The following VPS35L variants were observed in gnomAD, a reference collection of about 807,000 sequenced individuals.
VPS35L encodes VPS35 endosomal protein sorting factor like.
A neutral mutation model predicts 133.0 loss-of-function variants in VPS35L; 83 were observed. That is an observed-to-expected ratio of 0.62 (90% CI 0.52 to 0.75). The LOEUF (loss-of-function observed/expected upper bound fraction) is 0.75, where lower values mean the gene tolerates loss of function less well. Among genes scored for constraint, VPS35L ranks in the 30% least tolerant of loss-of-function variants. The pLI is 0.00. For synonymous variants in VPS35L, 423 were observed against 449.9 expected (o/e 0.94, Z 0.76); for missense variants, 1,083 against 1,206.8 (o/e 0.90, Z 1.52).
At chr16:19,571,489 A>G (rs917399036) in intron 3 of VPS35L, among the ~76,000 whole-genome samples, 1 of 152,022 alleles carries the variant, frequency 6.6e-6, no homozygotes, top group Non-Finnish European at 1.5e-5. Flanking sequence ...AGTTGCTGGG[A>G]TTACAGGCCT....
At chr16:19,595,060 G>T in intron 8 of VPS35L, among the ~76,000 whole-genome samples, 1 of 152,170 alleles carries the variant, frequency 6.6e-6, no homozygotes, top group Non-Finnish European at 1.5e-5. Context: ...AGAGAGAGGC[G>T]ATGAGATGAG....
At chr16:19,615,544 G>T (rs1972858305) in intron 12 of VPS35L, among the ~76,000 whole-genome samples, 1 of 152,130 alleles carries the variant, frequency 6.6e-6, no homozygotes, top group South Asian at 2.1e-4. Flanking sequence ...CTGCTACTTG[G>T]GAGGCTGAGG....
At chr16:19,641,938 G>T (rs1211344971) in intron 21 of VPS35L, among the ~76,000 whole-genome samples, 1 of 152,208 alleles carries the variant, frequency 6.6e-6, no homozygotes, top group Non-Finnish European at 1.5e-5. Flanking sequence ...GGCCAGGTGC[G>T]GTGGCTCACG....
Position 19,633,313 on chromosome 16 carries a change from C to T in VPS35L, c.1635+141C>T. 1 of 784,490 alleles carries T rather than the reference C, an allele frequency of 1.3e-6. No homozygotes were observed. The highest frequency in any genetic ancestry group is 2.1e-6 in the Non-Finnish European group (1 of 469,688). 48.6% of individuals were successfully genotyped at this position (784,490 alleles called of 1,614,324 possible). On this transcript the variant is annotated intron_variant, in intron 19 of 30. Transcript: ENST00000417362. The surrounding 1 kb of genome is among the most constrained non-coding windows in gnomAD (Gnocchi z 4.1). ...GCTCTGCCATATCCTAGCCATGTGC[C>T]CTTTGATCAGTTACTTAACCTTGTT...
At position 19,700,434 on chromosome 16, in the gene VPS35L, G is replaced by A. The variant is rs750030502; in HGVS notation, c.2850G>A (p.Leu950=). 1 of 1,614,190 alleles carries A rather than the reference G, an allele frequency of 6.2e-7. No homozygotes were observed. Among genetic ancestry groups the A allele is most frequent in the Non-Finnish European group, 8.5e-7 (1 of 1,180,040 alleles). The change falls in exon 31 of 31, where the codon CTG becomes CTA. Residue 950 remains leucine, a synonymous_variant. Transcript: ENST00000417362. ...KQSKQPDMTH[L]TELALRLPLQ... is the part of the protein sequence containing the mutation. ...GCAAACAACCAGACATGACTCATCT[G>A]ACGGAGCTGGCCCTCAGACTCCCTC...
At chr16:19,609,693 A>G (rs1048381281) in intron 11 of VPS35L, among the ~76,000 whole-genome samples, 27 of 152,210 alleles carry the variant, frequency 1.8e-4, no homozygotes, top group Admixed American at 6.5e-5. Context: ...TGCTCCACAG[A>G]TAGCTCTACC....
rs1287746522 is a variant in VPS35L at position 19,691,501 on chromosome 16, C to T, written c.2646+30C>T. The T allele has an allele frequency of 1.9e-6, 3 of 1,555,208 alleles. No individual in the cohort carries two copies. The Admixed American group carries it at 5.0e-5, about 26-fold the overall frequency. ...GTGCCCTCTGCTGTCCTCCACCCGC[C>T]CCTTGCTCTGAAAGCACAAGTTTCC... On this transcript the variant is annotated intron_variant, in intron 29 of 30. Transcript: ENST00000417362.
At position 19,700,466 on chromosome 16, in the gene VPS35L, C is replaced by T; in HGVS notation, c.2882C>T (p.Thr961Ile). Residue 961 changes from threonine to isoleucine, a missense_variant, in exon 31 of 31, where the codon ACA (threonine) becomes ATA (isoleucine). Thr to Ile is a moderately conservative substitution (Grantham distance 89). Transcript: ENST00000417362. ...CTGGCCCTCAGACTCCCTCTGCAAA[C>T]AAGGACCTGACCCCCGGGCCCATCC... is the stretch of plus-strand genomic sequence containing the variant. ...TELALRLPLQ[T>I]RT The T allele has an allele frequency of 6.2e-7, 1 of 1,614,066 alleles. No homozygotes were observed. The highest frequency in any genetic ancestry group is 8.5e-7 in the Non-Finnish European group (1 of 1,179,884).
intron 12 of VPS35L, among the ~76,000 whole-genome samples, chr16:19,613,779 G>T (rs7197320): frequency 0.051 from 7,757 of 152,182 alleles, 631 homozygotes; most frequent in African/African-American, 0.17. Flanking sequence ...GGAGCTCAGG[G>T]TGAGGTGGAT....
chr16:19,694,479 ATTTCT>A (rs1278326700), intron 29 of VPS35L: 3 of 150,524 alleles, frequency 2.0e-5, no homozygotes, highest in Non-Finnish European at 3.0e-5. Flanking sequence ...TTTTCCCCTG[ATTTCT>A]TTTCTTTTTT....
intron 8 of VPS35L, among the ~76,000 whole-genome samples, chr16:19,593,584 G>A (rs57139358): frequency 0.044 from 6,767 of 152,210 alleles, 513 homozygotes; most frequent in African/African-American, 0.15. Context: ...GGCTTCAGGT[G>A]CAGCTGGATC....
At chr16:19,596,194 G>C (rs1395285288) in intron 8 of VPS35L, among the ~76,000 whole-genome samples, 1 of 152,284 alleles carries the variant, frequency 6.6e-6, no homozygotes, top group East Asian at 1.9e-4. Context: ...ATAGTGAATT[G>C]CAGAGCTGAG....
intron 14 of VPS35L, among the ~76,000 whole-genome samples, chr16:19,622,596 G>C (rs906900772): frequency 6.6e-6 from 1 of 152,074 alleles, no homozygotes; most frequent in African/African-American, 2.4e-5. Flanking sequence ...GTGGATCCAC[G>C]CAGCTCAAAA....
chr16:19,619,335 C>T (rs573120423), intron 14 of VPS35L, among the ~76,000 whole-genome samples: 1 of 152,088 alleles, frequency 6.6e-6, no homozygotes, highest in Admixed American at 6.6e-5. Flanking sequence ...TCTTGTACTT[C>T]AGGTGAATAG....
chr16:19,608,494 C>G, intron 10 of VPS35L: 1 of 511,394 alleles, frequency 2.0e-6, no homozygotes, highest in Non-Finnish European at 3.4e-6. Context: ...AATACGATGC[C>G]ATGTGTCAAG....
chr16:19,698,213 T>C (rs937921956), intron 29 of VPS35L, among the ~76,000 whole-genome samples: 1 of 152,230 alleles, frequency 6.6e-6, no homozygotes, highest in African/African-American at 2.4e-5. Flanking sequence ...CGTGTGATCA[T>C]GGACTGAGAT....
At chr16:19,638,894 CAGGAG>C (rs1973701532) in intron 20 of VPS35L, among the ~76,000 whole-genome samples, 1 of 152,142 alleles carries the variant, frequency 6.6e-6, no homozygotes, top group South Asian at 2.1e-4. Context: ...CACCTGAGAC[CAGGAG>C]TTCCAGACCA....
chr16:19,684,059 C>T (rs148237592), intron 28 of VPS35L, among the ~76,000 whole-genome samples: 1 of 152,292 alleles, frequency 6.6e-6, no homozygotes, highest in African/African-American at 2.4e-5. Context: ...AGGAAGGACC[C>T]TGGTGTGGGT....
intron 11 of VPS35L, 106 bp from the exon 12 acceptor site, chr16:19,610,216 T>G: frequency 1.1e-6 from 1 of 939,610 alleles, no homozygotes; most frequent in East Asian, 2.7e-5. Context: ...ACTTGATTTT[T>G]CCCCCCCTCC....
Sources: gnomAD v4.1 joint callset for allele counts (sites outside exome capture counted in the v4.1 genomes callset) on GRCh38, gnomAD v4.1.1 for gene constraint, Gnocchi (gnomAD v3.1) non-coding constraint, MANE v1.5 for transcripts, NCBI Gene and HGNC (gene_info 2026-07-23, HGNC 2026-07-21) for gene names.